The following TNFSF4 variants were observed in gnomAD, a reference collection of about 807,000 sequenced individuals.
TNFSF4 encodes the protein TNF superfamily member 4, also known as tumor necrosis factor ligand superfamily member 4.
A neutral mutation model predicts 7.3 loss-of-function variants in TNFSF4; 4 were observed. The observed-to-expected ratio is 0.55, with a 90% CI of 0.27 to 1.25. The LOEUF (loss-of-function observed/expected upper bound fraction) is 1.25, where lower values mean the gene tolerates loss of function less well. Among genes scored for constraint, TNFSF4 ranks in the 50% most tolerant of loss-of-function variants. The pLI is 0.12. For synonymous variants in TNFSF4, 76 were observed against 83.7 expected (o/e 0.91, Z 0.50); for missense variants, 181 against 208.8 (o/e 0.87, Z 0.82).
chr1:173,301,564 T>C, the TNFSF4 span, among the ~76,000 whole-genome samples: 1 of 151,914 alleles, frequency 6.6e-6, no homozygotes. Flanking sequence ...ATTGCTCCTA[T>C]TCTTTGCATG....
the TNFSF4 span, among the ~76,000 whole-genome samples, chr1:173,348,525 A>G: frequency 5.1e-4 from 6 of 11,874 alleles, no homozygotes; most frequent in African/African-American, 5.8e-4. Context: ...AAAGCACATT[A>G]AACCCAAACA....
chr1:173,386,808 C>T, the TNFSF4 span, among the ~76,000 whole-genome samples: 4 of 152,318 alleles, frequency 2.6e-5, no homozygotes, highest in East Asian at 1.9e-4. Flanking sequence ...GTTCAGAAGA[C>T]GGGATATGGA....
chr1:173,266,989 G>T, the TNFSF4 span, among the ~76,000 whole-genome samples: 1 of 152,022 alleles, frequency 6.6e-6, no homozygotes, highest in Non-Finnish European at 1.5e-5. Context: ...GACATCTAGT[G>T]TTCTCAATGT....
the TNFSF4 span, among the ~76,000 whole-genome samples, chr1:173,339,742 G>A: frequency 5.9e-5 from 9 of 152,260 alleles, no homozygotes; most frequent in Middle Eastern, 3.4e-3. Context: ...CTGGGAAATG[G>A]TTAGTGTGCT....
the TNFSF4 span, among the ~76,000 whole-genome samples, chr1:173,337,449 C>G: frequency 6.6e-6 from 1 of 152,150 alleles, no homozygotes; most frequent in Non-Finnish European, 1.5e-5. Context: ...TGTCCACTGC[C>G]CCCACTTCTG....
At chr1:173,229,465 A>C in the TNFSF4 span, among the ~76,000 whole-genome samples, 2,599 of 152,304 alleles carry the variant, frequency 0.017, 29 homozygotes, top group Non-Finnish European at 0.026. Flanking sequence ...CCAGTACCAG[A>C]CACTGCAAAA....
the TNFSF4 span, chr1:173,351,792 T>C: frequency 6.7e-6 from 4 of 601,046 alleles, no homozygotes; most frequent in African/African-American, 3.7e-5. Context: ...AGTCCAGGTT[T>C]ACAGGAAGAA....
At chr1:173,190,048 T>TA (rs11389771) in intron 1 of TNFSF4, among the ~76,000 whole-genome samples, 10,824 of 128,274 alleles carry the variant, frequency 0.084, 577 homozygotes, top group African/African-American at 0.16. Flanking sequence ...CATCTCTGCT[T>TA]AAAAAAAAAA....
the TNFSF4 span, among the ~76,000 whole-genome samples, chr1:173,331,535 A>G: frequency 6.6e-6 from 1 of 152,256 alleles, no homozygotes; most frequent in African/African-American, 2.4e-5. Context: ...TCATCAAAAT[A>G]AAGTTAAGAG....
At chr1:173,252,931 C>A in the TNFSF4 span, among the ~76,000 whole-genome samples, 15 of 152,310 alleles carry the variant, frequency 9.8e-5, no homozygotes, top group East Asian at 2.3e-3. Flanking sequence ...TTCAGAACTT[C>A]CTTGAAATCT....
intron 1 of TNFSF4, among the ~76,000 whole-genome samples, chr1:173,195,585 A>G (rs1649664827): frequency 6.6e-6 from 1 of 152,218 alleles, no homozygotes; most frequent in South Asian, 2.1e-4. Flanking sequence ...AGAAAGTGAC[A>G]CTTGTTTCAA....
At chr1:173,364,272 ATTG>A in the TNFSF4 span, among the ~76,000 whole-genome samples, 175 of 148,766 alleles carry the variant, frequency 1.2e-3, 1 homozygote, top group African/African-American at 3.9e-3. Flanking sequence ...TTCATAACAT[ATTG>A]TTCAAAAAAA....
the TNFSF4 span, among the ~76,000 whole-genome samples, chr1:173,264,219 C>A: frequency 6.6e-6 from 1 of 151,958 alleles, no homozygotes; most frequent in African/African-American, 2.4e-5. Context: ...GTGATCACTG[C>A]TCAATGCACT....
At chr1:173,227,584 T>G in the TNFSF4 span, among the ~76,000 whole-genome samples, 1 of 151,906 alleles carries the variant, frequency 6.6e-6, no homozygotes, top group Non-Finnish European at 1.5e-5. Flanking sequence ...TGCAGCACAG[T>G]GGGTGCAGAG....
intron 1 of TNFSF4, chr1:173,205,521 T>C: frequency 2.2e-6 from 3 of 1,387,416 alleles, no homozygotes; most frequent in Non-Finnish European, 2.8e-6. Context: ...CGTTGTGCAA[T>C]CAGTTAGCCT....
At chr1:173,205,597 T>A in intron 1 of TNFSF4, 1 of 1,164,600 alleles carries the variant, frequency 8.6e-7, no homozygotes, top group Non-Finnish European at 1.1e-6. Context: ...ACACTGTGGT[T>A]GTTAGAAAAA....
the TNFSF4 span, among the ~76,000 whole-genome samples, chr1:173,442,480 T>C: frequency 6.6e-6 from 1 of 152,036 alleles, no homozygotes; most frequent in South Asian, 2.1e-4. Flanking sequence ...AAAATGTCCC[T>C]GAGAAATCTA....
upstream of TNFSF4, among the ~76,000 whole-genome samples, chr1:173,211,792 G>A (rs1571209624): frequency 6.6e-6 from 1 of 152,126 alleles, no homozygotes; most frequent in South Asian, 2.1e-4. Context: ...TTGTTGATAG[G>A]ATCAGTGGCT....
the TNFSF4 span, among the ~76,000 whole-genome samples, chr1:173,315,614 A>G: frequency 6.6e-6 from 1 of 152,190 alleles, no homozygotes; most frequent in Non-Finnish European, 1.5e-5. Flanking sequence ...AAGGGAGGCT[A>G]CTGTGGGTGA....
Sources: allele counts gnomAD v4.1 joint callset (sites outside exome capture counted in the v4.1 genomes callset), GRCh38; gene constraint gnomAD v4.1.1; transcripts MANE v1.5; gene names NCBI Gene and HGNC (gene_info 2026-07-23, HGNC 2026-07-21).